The following ZNF536 variants were observed in gnomAD, a reference collection of about 807,000 sequenced individuals.
ZNF536 encodes the protein zinc finger protein 536.
ZNF536 carries 13 observed loss-of-function variants against 84.5 expected under a neutral mutation model. The observed-to-expected ratio is 0.15, with a 90% CI of 0.10 to 0.24. The LOEUF is 0.24. Among genes scored for constraint, ZNF536 ranks in the 10% least tolerant of loss-of-function variants. The pLI is 1.00. For missense variants in ZNF536, 1,536 were observed against 1,747.5 expected, an observed-to-expected ratio of 0.88 and a Z score of 2.16; for synonymous variants, 811 against 742.5, an observed-to-expected ratio of 1.09 and a Z score of -1.50.
chr19:30,631,479 G>A (rs2147243125), intron 1 of ZNF536, among the ~76,000 whole-genome samples: 1 of 152,332 alleles, frequency 6.6e-6, no homozygotes, highest in East Asian at 1.9e-4. Flanking sequence ...CCAGAGCAGG[G>A]AGAAGATTGC....
chr19:30,666,826 G>GTGT (rs1479149030), intron 1 of ZNF536, among the ~76,000 whole-genome samples: 2 of 146,448 alleles, frequency 1.4e-5, no homozygotes, highest in Non-Finnish European at 3.0e-5. Flanking sequence ...ATATATGTGT[G>GTGT]TGTGTGTATA....
chr19:30,252,457 G>C (rs2024669483), intron 1 of ZNF536, among the ~76,000 whole-genome samples: 3 of 152,140 alleles, frequency 2.0e-5, no homozygotes, highest in Non-Finnish European at 4.4e-5. Context: ...TGCATACCCT[G>C]GGATGAGGCA....
At chr19:30,704,587 C>A (rs2052140921) in intron 1 of ZNF536, among the ~76,000 whole-genome samples, 3 of 137,064 alleles carry the variant, frequency 2.2e-5, no homozygotes, top group African/African-American at 8.3e-5. Context: ...GCAGAGGTTG[C>A]AGTGAGCTGA....
chr19:30,373,121 G>A (rs2048674450), intron 1 of ZNF536, among the ~76,000 whole-genome samples: 1 of 152,198 alleles, frequency 6.6e-6, no homozygotes. Context: ...AAATTGTCTG[G>A]CGATTTGGTG....
In ZNF536 at chr19:30,428,405, T is replaced by C. The variant is rs138842760; in HGVS notation, c.-2-15156T>C. On this transcript the variant is annotated intron_variant, in intron 1 of 4. Transcript: ENST00000355537. ...ACTCATAGAGCTGACAAGTTGCCCC[T>C]TGGGACTCAGTTCTTTTGGAGTAAG... is the stretch of plus-strand genomic sequence containing the variant. Among the ~76,000 whole-genome samples the C allele has an allele frequency of 1.2e-4, 18 of 152,342 alleles. No homozygotes were observed. The East Asian group carries it at 3.1e-3, about 26-fold the overall frequency.
chr19:30,287,231 A>T, intron 2 of ZNF536, among the ~76,000 whole-genome samples: 1 of 92,412 alleles, frequency 1.1e-5, no homozygotes, highest in East Asian at 3.7e-4. Flanking sequence ...GGATGGATAG[A>T]TGGGTGGAGG....
intron 1 of ZNF536, among the ~76,000 whole-genome samples, chr19:30,683,759 C>A (rs745558091): frequency 6.6e-6 from 1 of 152,300 alleles, no homozygotes. Context: ...TTCTCAGAAC[C>A]TTTGGGAAAG....
chr19:30,667,229 G>A (rs1186638747), intron 1 of ZNF536, among the ~76,000 whole-genome samples: 6 of 152,158 alleles, frequency 3.9e-5, no homozygotes, highest in African/African-American at 9.7e-5. Context: ...TCATTTACAC[G>A]CCTGAACAGG....
At chr19:30,577,792 T>C (rs2048107291) in intron 1 of ZNF536, among the ~76,000 whole-genome samples, 1 of 152,220 alleles carries the variant, frequency 6.6e-6, no homozygotes, top group Admixed American at 6.5e-5. Context: ...ATAAGCACCA[T>C]TGTCCTGTCA....
chr19:30,333,219 G>C (rs937939330), intron 2 of ZNF536, among the ~76,000 whole-genome samples: 5 of 152,166 alleles, frequency 3.3e-5, no homozygotes, highest in African/African-American at 9.7e-5. Context: ...TGCTGAAAGA[G>C]AGCACAGTTC....
At chr19:30,561,581 A>C (rs1050162534), downstream of ZNF536, among the ~76,000 whole-genome samples, 4 of 152,148 alleles carry the variant, frequency 2.6e-5, no homozygotes, top group Non-Finnish European at 5.9e-5. Context: ...AAGGCAGGTA[A>C]ATCAACAAGC....
In ZNF536 at chr19:30,374,189, G is replaced by GT. The variant is rs969786570; in HGVS notation, c.-3+1642dup. ...TTGCCCTGGAGTGTATAAAGAAAGAGTTTTTTTTTCAATAAGAAAAGTAGT... is the reference window on the plus strand; with the variant it reads ...TTGCCCTGGAGTGTATAAAGAAAGAGTTTTTTTTTTCAATAAGAAAAGTAGT... On this transcript the variant is annotated intron_variant, in intron 1 of 4. Coordinates refer to ENST00000355537, the MANE Select transcript of ZNF536 (RefSeq NM_014717.3). Among the ~76,000 whole-genome samples, 248 of 151,160 alleles carry GT rather than the reference G, an allele frequency of 1.6e-3. 1 individual carries two copies. Among genetic ancestry groups the GT allele is most frequent in the Non-Finnish European group, 2.2e-3 (146 of 67,764 alleles).
rs1275192356 is a variant in ZNF536 at position 30,453,171 on chromosome 19, T to TC, written c.2170+7446dup. 5.9e-5 allele frequency among the ~76,000 whole-genome samples: 9 copies of TC among 151,804 alleles called. No individual in the cohort carries two copies. The East Asian group carries it at 1.4e-3, about 23-fold the overall frequency. On this transcript the variant is annotated intron_variant, in intron 2 of 4. Transcript: ENST00000355537. ...GGAAAGCCCTTTTCAGAAAGCTGTG[T>TC]CCCCCCCACCCCCAAAAGGAACTTA...
chr19:30,448,360 G>A (rs183102955), intron 2 of ZNF536, among the ~76,000 whole-genome samples: 6 of 152,190 alleles, frequency 3.9e-5, no homozygotes, highest in Non-Finnish European at 8.8e-5. Flanking sequence ...ATAGAAGTGC[G>A]ATTAAAATAA....
At chr19:30,542,128 C>T (rs984676115) in intron 3 of ZNF536, among the ~76,000 whole-genome samples, 7 of 152,026 alleles carry the variant, frequency 4.6e-5, no homozygotes, top group East Asian at 1.9e-4. Flanking sequence ...AATAAAAAAA[C>T]GAGAAGCATG....
At position 30,468,522 on chromosome 19, in the gene ZNF536, C is replaced by T. The variant is rs188875049; in HGVS notation, c.2170+22790C>T. On this transcript the variant is annotated intron_variant, in intron 2 of 4. Transcript: ENST00000355537. Reference sequence around the variant, plus strand: ...GCAGTTCATAAACTGGGACCTGGGGCGAGGGGTCTGCATTGAGCTGGGAAC... The same window carrying T: ...GCAGTTCATAAACTGGGACCTGGGGTGAGGGGTCTGCATTGAGCTGGGAAC... Among the ~76,000 whole-genome samples the T allele has an allele frequency of 5.0e-4, 76 of 152,074 alleles. No individual in the cohort carries two copies. The East Asian group carries it at 8.2e-3, about 16-fold the overall frequency.
chr19:30,658,756 C>T (rs868616658), intron 1 of ZNF536, among the ~76,000 whole-genome samples: 1 of 152,142 alleles, frequency 6.6e-6, no homozygotes, highest in East Asian at 1.9e-4. Flanking sequence ...ATTGAAAACT[C>T]TAACCAGTCA....
At chr19:30,325,283 C>T (rs913452158) in intron 2 of ZNF536, among the ~76,000 whole-genome samples, 1 of 152,218 alleles carries the variant, frequency 6.6e-6, no homozygotes, top group African/African-American at 2.4e-5. Flanking sequence ...CTCTCACCCC[C>T]ACCCTTGGGG....
At chr19:30,527,884 A>G (rs908845290) in intron 2 of ZNF536, among the ~76,000 whole-genome samples, 11 of 152,196 alleles carry the variant, frequency 7.2e-5, no homozygotes, top group Admixed American at 4.6e-4. Context: ...ATACGTGGGC[A>G]AGGACATTAA....
Sources: allele counts gnomAD v4.1 joint callset (sites outside exome capture counted in the v4.1 genomes callset), GRCh38; gene constraint gnomAD v4.1.1; transcripts MANE v1.5; gene names NCBI Gene and HGNC (gene_info 2026-07-23, HGNC 2026-07-21).